SPTBN5: variants seen among roughly 807,000 people sequenced by gnomAD.
SPTBN5 encodes the protein spectrin beta, non-erythrocytic 5.
Under a neutral mutation model 477.6 loss-of-function variants are expected in SPTBN5, and 513 were observed. The observed-to-expected ratio is 1.07, with a 90% CI of 1.00 to 1.16. SPTBN5 has a LOEUF of 1.16. Ranked by LOEUF, SPTBN5 falls within the 50% of genes most tolerant of loss-of-function variation. The pLI, the probability that SPTBN5 is intolerant of heterozygous loss-of-function variation, is 0.00. For synonymous variants in SPTBN5, 2,169 were observed against 2,011.7 expected, an observed-to-expected ratio of 1.08 and a Z score of -2.09; for missense variants, 5,062 against 4,731.8, an observed-to-expected ratio of 1.07 and a Z score of -2.05.
At chr15:41,857,964 G>A (rs1435623025) in intron 49 of SPTBN5, among the ~76,000 whole-genome samples, 1 of 152,174 alleles carries the variant, frequency 6.6e-6, no homozygotes, top group Non-Finnish European at 1.5e-5. Context: ...GCCAGCCTGG[G>A]GTCAGGACCT....
intron 15 of SPTBN5, 79 bp from the exon 16 acceptor site, chr15:41,879,578 T>A: frequency 6.6e-7 from 1 of 1,524,298 alleles, no homozygotes; most frequent in South Asian, 1.3e-5. Context: ...GAGCCTCACG[T>A]GACAGAAGCT....
rs556609313 is a variant in SPTBN5 at position 41,850,900 on chromosome 15, G to A, written c.10875C>T (p.Ser3625=). 2.9e-4 allele frequency: 467 copies of A among 1,603,904 alleles called. 2 individuals carry two copies. Among genetic ancestry groups the A allele is most frequent in the South Asian group, 2.3e-3 (207 of 88,814 alleles). ...SGAEILFAAP[S]EEQAESWWRA... ...GCCACCAGCTCTCAGCCTGCTCTTC[G>A]GACGGTGCTGCAAACAGGATCTCTG... The change falls in exon 66 of 68, where the codon TCC becomes TCT. Residue 3625 remains serine (S), a synonymous_variant. Transcript: ENST00000320955.
At chr15:41,877,069 T>C (rs2066764493) in intron 18 of SPTBN5, 47 bp downstream of exon 18, 2 of 1,609,288 alleles carry the variant, frequency 1.2e-6, no homozygotes, top group Non-Finnish European at 1.7e-6. Flanking sequence ...ATGAGCTCCC[T>C]CCAGTGATGG....
chr15:41,878,430 T>C lies in SPTBN5; in HGVS notation c.3382A>G (p.Lys1128Glu). The C allele has an allele frequency of 6.2e-7, 1 of 1,613,748 alleles. No homozygotes were observed. The highest frequency in any genetic ancestry group is 8.5e-7 in the Non-Finnish European group (1 of 1,179,888). The change falls in exon 17 of 68, where the codon AAG becomes GAG. Residue 1128 changes from lysine (K) to glutamate (E), a missense_variant. By Grantham distance (56) the Lys-to-Glu change is moderately conservative. Coordinates refer to ENST00000320955, the MANE Select transcript of SPTBN5 (RefSeq NM_016642.4). Reference sequence around the variant, plus strand: ...GAGGCCACATCCACTGACACCTCCTTGCTGCGCAGCTGAGCCTGGACACTC... The same window carrying C: ...GAGGCCACATCCACTGACACCTCCTCGCTGCGCAGCTGAGCCTGGACACTC... ...AESVQAQLRS[K>E]EVSVDVASAQ...
chr15:41,885,998 C>T lies in SPTBN5; in HGVS notation c.1257G>A (p.Leu419=). Residue 419 remains leucine, a synonymous_variant, in exon 7 of 68, where the codon CTG becomes CTA. Coordinates refer to ENST00000320955, the MANE Select transcript of SPTBN5 (RefSeq NM_016642.4). ...CCAGGGTTTCTAGCCGCTGCAGCTGCAGTAGCCTCTGCTGCAGGGCCTGGC... is the reference window on the plus strand; with the variant it reads ...CCAGGGTTTCTAGCCGCTGCAGCTGTAGTAGCCTCTGCTGCAGGGCCTGGC... ...ARSQALQQRL[L]QLQRLETLAR... is the part of the protein sequence containing the mutation. The T allele has an allele frequency of 6.4e-7, 1 of 1,550,498 alleles. No homozygotes were observed. Among genetic ancestry groups the T allele is most frequent in the Non-Finnish European group, 8.7e-7 (1 of 1,149,590 alleles).
Position 41,852,926 on chromosome 15 carries a change from GC to G in SPTBN5, c.10244del (p.Arg3415ProfsTer30). On this transcript the variant is annotated frameshift_variant, in exon 60 of 68. Transcript: ENST00000320955. LOFTEE classifies it high-confidence loss of function. ...TCTGCAGGCCCCAGCTCTCGGCACA[GC>G]GTTGCCAGCGCAGGGCCCAAGCCTC... is the stretch of plus-strand genomic sequence containing the variant. The part of the protein sequence containing the change: ...LEEAWALRWQ[R>X]CAESWGLQKL... 1 of 1,590,594 alleles carries G rather than the reference GC, an allele frequency of 6.3e-7. No individual in the cohort carries two copies. Among genetic ancestry groups the G allele is most frequent in the Non-Finnish European group, 8.6e-7 (1 of 1,169,394 alleles).
intron 59 of SPTBN5, 63 bp downstream of exon 59, chr15:41,853,195 G>A (rs1212262442): frequency 4.6e-6 from 7 of 1,533,600 alleles, no homozygotes; most frequent in Non-Finnish European, 6.2e-6. Flanking sequence ...GAGGGGCCCT[G>A]AGGCCCTGGG....
chr15:41,861,522 A>G (rs1255590445), intron 45 of SPTBN5, 26 bp from the exon 46 acceptor site: 1 of 1,610,654 alleles, frequency 6.2e-7, no homozygotes, highest in Non-Finnish European at 8.5e-7. Flanking sequence ...AAGGCAAGAG[A>G]CAGTCGGTGG....
intron 42 of SPTBN5, 52 bp downstream of exon 42, chr15:41,862,734 GCCCA>G: frequency 6.5e-7 from 1 of 1,543,554 alleles, no homozygotes; most frequent in African/African-American, 1.4e-5. Context: ...CCCCACTTGT[GCCCA>G]GGGTCCTACT....
rs571479448 is a variant in SPTBN5 at position 41,856,441 on chromosome 15, G to A, written c.8966C>T (p.Ala2989Val). 43 of 1,594,984 alleles carry A rather than the reference G, an allele frequency of 2.7e-5. No homozygotes were observed. The highest frequency in any genetic ancestry group is 1.1e-4 in the African/African-American group (8 of 74,536). Reference sequence around the variant, plus strand: ...CTGCTGCAGCAGAAGCCGCCTCCGCGCCGCCTCTGCCCGCAGGTGGGCCAT... The same window carrying A: ...CTGCTGCAGCAGAAGCCGCCTCCGCACCGCCTCTGCCCGCAGGTGGGCCAT... ...KAMAHLRAEAARRRLLLQQAQ... is the reference protein window; with the variant it reads ...KAMAHLRAEAVRRRLLLQQAQ... The change falls in exon 53 of 68, where the codon GCG (alanine) becomes GTG (valine). Residue 2989 changes from alanine (A) to valine (V), a missense_variant. Physicochemically the swap from Ala to Val is moderately conservative, Grantham distance 64. Transcript: ENST00000320955.
rs374938523 is a variant in SPTBN5, at chr15:41,876,301, G to A, written c.3952-17C>T. On this transcript the variant is annotated splice_polypyrimidine_tract_variant and intron_variant, in intron 20 of 67. Coordinates refer to ENST00000320955, the MANE Select transcript of SPTBN5 (RefSeq NM_016642.4). The stretch of plus-strand genomic sequence containing the variant: ...CTTCCACTCCTGCCAAGAACCAGGC[G>A]AGAGTGGGTCTCAGAGCACGGTGGG... 1.6e-5 allele frequency: 25 copies of A among 1,536,388 alleles called. No individual in the cohort carries two copies. The African/African-American group carries it at 2.4e-4, about 15-fold the overall frequency.
chr15:41,877,369 AC>A lies in SPTBN5; in HGVS notation c.3471-14del. On this transcript the variant is annotated splice_polypyrimidine_tract_variant and intron_variant, in intron 17 of 67. Transcript: ENST00000320955. Reference sequence around the variant, plus strand: ...CAGCTGCTGCAGCCTGACCAGGATGACAGGCAGAGAGTCAAACCCCAGCAGG... The same window carrying A: ...CAGCTGCTGCAGCCTGACCAGGATGAAGGCAGAGAGTCAAACCCCAGCAGG... 1 of 1,601,358 alleles carries A rather than the reference AC, an allele frequency of 6.2e-7. No homozygotes were observed. Among genetic ancestry groups the A allele is most frequent in the Non-Finnish European group, 8.5e-7 (1 of 1,172,602 alleles).
chr15:41,885,475 A>C (rs1217958809), intron 7 of SPTBN5, among the ~76,000 whole-genome samples: 1 of 152,250 alleles, frequency 6.6e-6, no homozygotes, highest in Admixed American at 6.5e-5. Flanking sequence ...TGTGTGGGAC[A>C]TAGTAGACAC....
chr15:41,858,487 G>C (rs2065993277), intron 49 of SPTBN5, 115 bp downstream of exon 49: 2 of 1,305,524 alleles, frequency 1.5e-6, no homozygotes, highest in South Asian at 1.6e-5. Context: ...CCTGCATGCA[G>C]AAAGTACTGG....
intron 61 of SPTBN5, 83 bp downstream of exon 61, chr15:41,852,551 A>T: frequency 6.8e-7 from 1 of 1,465,168 alleles, no homozygotes; most frequent in Non-Finnish European, 9.6e-7. Flanking sequence ...GTGAGGGCTC[A>T]GTGCCCTGGG....
At chr15:41,859,285 A>T (rs113109000) in intron 47 of SPTBN5, among the ~76,000 whole-genome samples, 2 of 151,996 alleles carry the variant, frequency 1.3e-5, no homozygotes, top group African/African-American at 4.8e-5. Context: ...CAGCCTCCCG[A>T]GTAGCTAGGA....
chr15:41,849,919 G>GCTGA lies in SPTBN5; in HGVS notation c.10958_10961dup (p.Ser3655GlnfsTer5), dbSNP rs774785321. 5.3e-5 allele frequency: 84 copies of GCTGA among 1,597,436 alleles called. No homozygotes were observed. Among genetic ancestry groups the GCTGA allele is most frequent in the Admixed American group, 1.7e-4 (10 of 57,664 alleles). ...CCTTGGTCGTGCACTCATTCAGAGA[G>GCTGA]CTGACAGGTTTGGCTTTGAGTTTTG... On this transcript the variant is annotated frameshift_variant, in exon 67 of 68. Coordinates refer to ENST00000320955, the MANE Select transcript of SPTBN5 (RefSeq NM_016642.4). LOFTEE classifies it high-confidence loss of function.
chr15:41,856,300 G>T, intron 53 of SPTBN5, 86 bp downstream of exon 53: 1 of 1,278,012 alleles, frequency 7.8e-7, no homozygotes, highest in Non-Finnish European at 1.1e-6. Flanking sequence ...AAGGTGCCCA[G>T]GCCAGGAGCC....
chr15:41,892,081 T>A (rs1267663507), intron 3 of SPTBN5, among the ~76,000 whole-genome samples: 1 of 152,146 alleles, frequency 6.6e-6, no homozygotes, highest in Non-Finnish European at 1.5e-5. Flanking sequence ...CAGCAGTCAC[T>A]CCCATTCCCT....
Sources: allele counts gnomAD v4.1 joint callset (sites outside exome capture counted in the v4.1 genomes callset), GRCh38; gene constraint gnomAD v4.1.1; transcripts MANE v1.5; gene names NCBI Gene and HGNC (gene_info 2026-07-23, HGNC 2026-07-21).